U2SURP: variants seen among roughly 807,000 people sequenced by gnomAD.
U2SURP encodes the protein U2 snRNP-associated SURP motif-containing protein.
Under a neutral mutation model 144.9 loss-of-function variants are expected in U2SURP, and 9 were observed. That is an observed-to-expected ratio of 0.06 (90% CI 0.04 to 0.11). The LOEUF (loss-of-function observed/expected upper bound fraction) is 0.11, where lower values mean the gene tolerates loss of function less well. Ranked by LOEUF, U2SURP falls within the 10% of genes least tolerant of loss-of-function variation. U2SURP has a pLI of 1.00. For missense variants in U2SURP, 724 were observed against 1,226.7 expected, an observed-to-expected ratio of 0.59 and a Z score of 6.12; for synonymous variants, 408 against 396.8, an observed-to-expected ratio of 1.03 and a Z score of -0.33.
chr3:143,012,079 C>A, intron 2 of U2SURP, 143 bp from the exon 3 acceptor site: 1 of 1,093,912 alleles, frequency 9.1e-7, no homozygotes, highest in Non-Finnish European at 1.3e-6. Context: ...TTGGTGAAAT[C>A]AATGGTGATA....
intron 1 of U2SURP, among the ~76,000 whole-genome samples, chr3:143,004,958 A>G (rs1201419226): frequency 6.6e-6 from 1 of 152,144 alleles, no homozygotes. Flanking sequence ...ATTGTTAAGC[A>G]TATTTCCTTA....
Position 143,003,773 on chromosome 3 carries a change from C to T in U2SURP, c.45+2100C>T, listed in dbSNP as rs1041901520. ...GTGGCACAATCTCGGCTCATTGCAA[C>T]CTCCGCCTCCCGGGTTCAAGTGATT... On this transcript the variant is annotated intron_variant, in intron 1 of 27. Coordinates refer to ENST00000473835, the MANE Select transcript of U2SURP (RefSeq NM_001080415.2). Among the ~76,000 whole-genome samples the T allele has an allele frequency of 1.1e-4, 16 of 144,738 alleles. No homozygotes were observed. The East Asian group carries it at 3.4e-3, about 31-fold the overall frequency. 95.0% of individuals were successfully genotyped at this position (144,738 alleles called of 152,430 possible). A position where few individuals can be genotyped will look rare whatever the true frequency, so the allele number is the denominator to read the frequency against.
intron 6 of U2SURP, 58 bp from the exon 7 acceptor site, chr3:143,019,911 G>T: frequency 2.2e-6 from 2 of 929,324 alleles, no homozygotes; most frequent in South Asian, 2.3e-5. Context: ...TCTTATTATT[G>T]AATCATTGGT....
chr3:143,022,479 T>A lies in U2SURP; in HGVS notation c.853-18T>A, dbSNP rs1257147146. On this transcript the variant is annotated intron_variant, in intron 10 of 27. Coordinates refer to ENST00000473835, the MANE Select transcript of U2SURP (RefSeq NM_001080415.2). ...TTCCCTTTTTTGCATAATAAAAATC[T>A]TTTACCCTTTTTAATAGATGAATGA... 6.7e-7 allele frequency: 1 copy of A among 1,481,594 alleles called. No homozygotes were observed. The highest frequency in any genetic ancestry group is 2.3e-5 in the Admixed American group (1 of 44,192). The allele number at this position is 1,481,594 out of a possible 1,614,324, so 91.8% of individuals were successfully genotyped here.
intron 24 of U2SURP, 37 bp downstream of exon 24, chr3:143,043,313 G>A (rs1451024807): frequency 5.8e-6 from 9 of 1,552,266 alleles, no homozygotes; most frequent in Non-Finnish European, 7.8e-6. Context: ...ACACTTTATT[G>A]GCTTTTCACT....
intron 23 of U2SURP, among the ~76,000 whole-genome samples, chr3:143,039,456 G>T (rs965378595): frequency 2.0e-5 from 3 of 151,914 alleles, no homozygotes; most frequent in African/African-American, 7.2e-5. Context: ...TGATTTTGCT[G>T]TTTGGTAATC....
At chr3:143,031,664 C>T (rs187882104) in intron 16 of U2SURP, among the ~76,000 whole-genome samples, 1 of 152,256 alleles carries the variant, frequency 6.6e-6, no homozygotes, top group Admixed American at 6.5e-5. Context: ...CTTTTACATG[C>T]ACTGGGAAAT....
At position 143,058,353 on chromosome 3, in the gene U2SURP, G is replaced by C. The variant is rs1560213474; in HGVS notation, c.*1903G>C. 1 of 151,776 alleles carries C rather than the reference G, an allele frequency of 6.6e-6. No individual in the cohort carries two copies. Among genetic ancestry groups the C allele is most frequent in the Admixed American group, 6.6e-5 (1 of 15,214 alleles). 9.4% of individuals were successfully genotyped at this position (151,776 alleles called of 1,614,324 possible). A position where few individuals can be genotyped will look rare whatever the true frequency, so the allele number is the denominator to read the frequency against. On this transcript the variant is annotated 3_prime_UTR_variant, in exon 28 of 28. Transcript: ENST00000473835. Reference sequence around the variant, plus strand: ...AAAAGACATCCTGCGGGATTGAGTAGAAAATTTTAGGTCAGTTTTGGGTGC... The same window carrying C: ...AAAAGACATCCTGCGGGATTGAGTACAAAATTTTAGGTCAGTTTTGGGTGC...
intron 19 of U2SURP, 33 bp downstream of exon 19, chr3:143,035,008 T>G: frequency 2.3e-6 from 1 of 433,916 alleles, no homozygotes; most frequent in Non-Finnish European, 3.9e-6. Flanking sequence ...TTTGCCCTAG[T>G]GTTTTAAATG....
At chr3:143,021,261 T>C in intron 8 of U2SURP, 89 bp from the exon 9 acceptor site, 1 of 1,387,436 alleles carries the variant, frequency 7.2e-7, no homozygotes, top group Non-Finnish European at 1.0e-6. Context: ...AATACCTTAC[T>C]GTAACAAACT....
rs1278457514 is a variant in U2SURP, at chr3:143,059,441, T to G, written c.*2991T>G. On this transcript the variant is annotated 3_prime_UTR_variant, in exon 28 of 28. Transcript: ENST00000473835. ...ATATTCTTGAGCACTTGAAAATACT[T>G]TTGAGAAATTTTAACTGTGATTAAA... The G allele has an allele frequency of 6.6e-6, 1 of 151,994 alleles. No individual in the cohort carries two copies. Among genetic ancestry groups the G allele is most frequent in the African/African-American group, 2.4e-5 (1 of 41,422 alleles). The allele number at this position is 151,994 out of a possible 1,614,324, so 9.4% of individuals were successfully genotyped here.
chr3:143,001,701 A>G, intron 1 of U2SURP, 28 bp downstream of exon 1: 1 of 1,613,236 alleles, frequency 6.2e-7, no homozygotes, highest in Admixed American at 1.7e-5. Flanking sequence ...TTCGTAAGTC[A>G]GCGGATCTAC....
At chr3:143,021,674 T>C (rs1422799760) in intron 10 of U2SURP, 119 bp downstream of exon 10, 2 of 987,280 alleles carry the variant, frequency 2.0e-6, no homozygotes, top group African/African-American at 1.6e-5. Flanking sequence ...GGATAGTCTT[T>C]AGAGTTGTCT....
At chr3:143,006,095 G>C (rs1000198071) in intron 1 of U2SURP, among the ~76,000 whole-genome samples, 1 of 152,092 alleles carries the variant, frequency 6.6e-6, no homozygotes, top group Admixed American at 6.5e-5. Context: ...TTTTCACAAG[G>C]CCCTTCCTCA....
chr3:143,056,197 A>G lies in U2SURP; in HGVS notation c.2952-115A>G, dbSNP rs188740804. 2.0e-4 allele frequency: 220 copies of G among 1,075,442 alleles called. 2 individuals are homozygous for G. The East Asian group carries it at 4.5e-3, about 22-fold the overall frequency. The allele number at this position is 1,075,442 out of a possible 1,614,324, so 66.6% of individuals were successfully genotyped here. A position where few individuals can be genotyped will look rare whatever the true frequency, so the allele number is the denominator to read the frequency against. Reference sequence around the variant, plus strand: ...TTAAATTTTAGAAGTTCATAGTCTTATTGCAGTGATTTTTCACTGTGCCCT... The same window carrying G: ...TTAAATTTTAGAAGTTCATAGTCTTGTTGCAGTGATTTTTCACTGTGCCCT... On this transcript the variant is annotated intron_variant, in intron 27 of 27. Transcript: ENST00000473835.
chr3:143,045,391 A>G (rs1934380614), intron 24 of U2SURP, among the ~76,000 whole-genome samples: 1 of 131,668 alleles, frequency 7.6e-6, no homozygotes, highest in African/African-American at 2.8e-5. Flanking sequence ...AAAAAAAAAG[A>G]GCACTCCCTT....
rs1936151358 is a variant in U2SURP at position 143,012,217 on chromosome 3, T to G, written c.91-5T>G. The G allele has an allele frequency of 6.2e-7, 1 of 1,606,796 alleles. No homozygotes were observed. Among genetic ancestry groups the G allele is most frequent in the Non-Finnish European group, 8.5e-7 (1 of 1,177,536 alleles). ...TTTTTTTCTCTTGTTTTACTTTTCCTGAAGATGGATGCATCTGGACCCTCA... is the reference window on the plus strand; with the variant it reads ...TTTTTTTCTCTTGTTTTACTTTTCCGGAAGATGGATGCATCTGGACCCTCA... On this transcript the variant is annotated splice_region_variant and splice_polypyrimidine_tract_variant and intron_variant, in intron 2 of 27. Coordinates refer to ENST00000473835, the MANE Select transcript of U2SURP (RefSeq NM_001080415.2).
At chr3:143,005,407 C>G (rs1159658865) in intron 1 of U2SURP, among the ~76,000 whole-genome samples, 1 of 152,140 alleles carries the variant, frequency 6.6e-6, no homozygotes, top group African/African-American at 2.4e-5. Flanking sequence ...AAAGTCCAAA[C>G]AAAATACAAA....
intron 5 of U2SURP, among the ~76,000 whole-genome samples, 193 bp from the exon 6 acceptor site, chr3:143,016,647 AAT>A (rs777757148): frequency 3.9e-5 from 6 of 152,186 alleles, no homozygotes; most frequent in African/African-American, 1.4e-4. Flanking sequence ...CACAAATTTT[AAT>A]ATGTGTCATA....
Sources: allele counts gnomAD v4.1 joint callset (sites outside exome capture counted in the v4.1 genomes callset), GRCh38; gene constraint gnomAD v4.1.1; transcripts MANE v1.5; gene names NCBI Gene and HGNC (gene_info 2026-07-23, HGNC 2026-07-21).